Variants in GRIA4 observed in about 807,000 individuals in gnomAD.
The protein encoded by GRIA4 is glutamate receptor 4.
In GRIA4, 34 loss-of-function variants were observed where a neutral mutation model predicts 104.0. The ratio of observed to expected loss-of-function variants is 0.33; its 90% CI spans 0.25 to 0.44. The LOEUF is 0.44. Ranked by LOEUF, GRIA4 falls within the 20% of genes least tolerant of loss-of-function variation. The probability of loss-of-function intolerance (pLI) is 1.00; values close to 1 mark genes in which losing one functional copy is unlikely to be tolerated. For missense variants in GRIA4, 750 were observed against 1,096.5 expected (o/e 0.68, Z 4.46); for synonymous variants, 386 against 381.9 (o/e 1.01, Z -0.13).
intron 6 of GRIA4, 60 bp from the exon 7 acceptor site, chr11:105,898,209 T>C (rs928895388): frequency 3.7e-6 from 3 of 800,054 alleles, no homozygotes; most frequent in Admixed American, 4.6e-5. Flanking sequence ...TATGTTACTA[T>C]TGAAGAGCTG....
chr11:105,857,582 T>A (rs1471850515), intron 4 of GRIA4, among the ~76,000 whole-genome samples: 4 of 152,106 alleles, frequency 2.6e-5, no homozygotes, highest in Non-Finnish European at 5.9e-5. Flanking sequence ...CTTCATCTTA[T>A]TACTTCATTA....
chr11:105,842,297 G>A (rs1050289374), intron 4 of GRIA4, among the ~76,000 whole-genome samples: 3 of 152,158 alleles, frequency 2.0e-5, no homozygotes, highest in African/African-American at 7.2e-5. Flanking sequence ...GAGGGACATG[G>A]AAAGCTATTG....
At chr11:105,717,502 T>C (rs1188797249) in intron 3 of GRIA4, among the ~76,000 whole-genome samples, 1 of 152,050 alleles carries the variant, frequency 6.6e-6, no homozygotes, top group Non-Finnish European at 1.5e-5. Context: ...GATATATGTT[T>C]CTGAATTTCT....
chr11:105,914,201 AT>A (rs1405491275), intron 10 of GRIA4, among the ~76,000 whole-genome samples: 1 of 151,758 alleles, frequency 6.6e-6, no homozygotes, highest in Non-Finnish European at 1.5e-5. Flanking sequence ...CTAAATTTAA[AT>A]TTTTTCAGCC....
intron 3 of GRIA4, among the ~76,000 whole-genome samples, chr11:105,701,809 A>C (rs1241598132): frequency 6.6e-6 from 1 of 152,186 alleles, no homozygotes; most frequent in Non-Finnish European, 1.5e-5. Flanking sequence ...AATACTATGA[A>C]ATTTTAAACT....
At chr11:105,691,349 GAAATA>G (rs2135494493) in intron 3 of GRIA4, among the ~76,000 whole-genome samples, 1 of 152,082 alleles carries the variant, frequency 6.6e-6, no homozygotes, top group South Asian at 2.1e-4. Context: ...CAAAAATGAA[GAAATA>G]AAATAACACA....
intron 3 of GRIA4, among the ~76,000 whole-genome samples, chr11:105,685,693 C>T (rs1464596973): frequency 6.6e-6 from 1 of 152,054 alleles, no homozygotes; most frequent in African/African-American, 2.4e-5. Context: ...GGATGGAGGA[C>T]ATTCTATGAG....
chr11:105,828,582 C>A (rs2135925377), intron 4 of GRIA4, among the ~76,000 whole-genome samples: 1 of 150,848 alleles, frequency 6.6e-6, no homozygotes, highest in South Asian at 2.1e-4. Context: ...AAAATGAGGA[C>A]AGATTTAAAC....
intron 4 of GRIA4, among the ~76,000 whole-genome samples, chr11:105,813,857 A>C (rs1162029732): frequency 1.3e-5 from 2 of 152,118 alleles, no homozygotes; most frequent in Non-Finnish European, 1.5e-5. Context: ...AAAATAAATA[A>C]GAGGACATGA....
At chr11:105,957,652 C>A (rs2435294) in intron 14 of GRIA4, among the ~76,000 whole-genome samples, 1 of 151,968 alleles carries the variant, frequency 6.6e-6, no homozygotes, top group African/African-American at 2.4e-5. Flanking sequence ...GTGAAGAAAG[C>A]CATTGGTAGC....
intron 3 of GRIA4, among the ~76,000 whole-genome samples, chr11:105,629,478 A>G (rs1044618687): frequency 1.3e-5 from 2 of 152,034 alleles, no homozygotes; most frequent in Admixed American, 6.6e-5. Context: ...GGAAAAAGAT[A>G]GGTTCTCTTT....
intron 3 of GRIA4, among the ~76,000 whole-genome samples, chr11:105,617,123 A>T (rs1950620266): frequency 6.7e-6 from 1 of 149,642 alleles, no homozygotes; most frequent in African/African-American, 2.4e-5. Context: ...ATATATATAC[A>T]TATGATTATA....
chr11:105,880,818 G>GT (rs1478393513), intron 5 of GRIA4, among the ~76,000 whole-genome samples: 3 of 152,148 alleles, frequency 2.0e-5, no homozygotes, highest in Non-Finnish European at 4.4e-5. Context: ...TGCAACCTGA[G>GT]TTTTTAATAA....
chr11:105,700,961 C>T (rs1732567480), intron 3 of GRIA4, among the ~76,000 whole-genome samples: 1 of 152,112 alleles, frequency 6.6e-6, no homozygotes, highest in South Asian at 2.1e-4. Flanking sequence ...AACATTTATG[C>T]CTCACTCACC....
intron 4 of GRIA4, among the ~76,000 whole-genome samples, chr11:105,820,028 A>G (rs1318965712): frequency 6.6e-6 from 1 of 152,090 alleles, no homozygotes; most frequent in African/African-American, 2.4e-5. Flanking sequence ...AAGCCAAAAA[A>G]TGACAAAGAT....
chr11:105,767,028 TACA>T (rs1272355725), intron 4 of GRIA4, among the ~76,000 whole-genome samples: 2 of 152,210 alleles, frequency 1.3e-5, no homozygotes, highest in Non-Finnish European at 2.9e-5. Flanking sequence ...TAGGCTCTGT[TACA>T]ACAAGACATT....
At chr11:105,874,769 C>T (rs774775683) in intron 5 of GRIA4, among the ~76,000 whole-genome samples, 5 of 152,146 alleles carry the variant, frequency 3.3e-5, no homozygotes, top group Non-Finnish European at 5.9e-5. Flanking sequence ...ATTTTGTATC[C>T]TGAGACTTTG....
At chr11:105,665,845 T>C (rs1051262922) in intron 3 of GRIA4, among the ~76,000 whole-genome samples, 3 of 152,020 alleles carry the variant, frequency 2.0e-5, no homozygotes, top group Non-Finnish European at 4.4e-5. Flanking sequence ...TCATAAAACA[T>C]TTCACAGAAA....
At chr11:105,949,950 C>T (rs1230552121) in intron 14 of GRIA4, among the ~76,000 whole-genome samples, 1 of 152,152 alleles carries the variant, frequency 6.6e-6, no homozygotes, top group Admixed American at 6.5e-5. Context: ...CCTCACTATC[C>T]TCATCTGTAA....
Sources: gnomAD v4.1 joint callset for allele counts (sites outside exome capture counted in the v4.1 genomes callset) on GRCh38, gnomAD v4.1.1 for gene constraint, MANE v1.5 for transcripts, NCBI Gene and HGNC (gene_info 2026-07-23, HGNC 2026-07-21) for gene names.